Variants in GSE1 observed in about 807,000 individuals in gnomAD.
GSE1 encodes Gse1 coiled-coil protein.
In GSE1, 32 loss-of-function variants were observed where a neutral mutation model predicts 112.6. The ratio of observed to expected loss-of-function variants is 0.28; its 90% CI spans 0.21 to 0.38. The LOEUF (loss-of-function observed/expected upper bound fraction) is 0.38, where lower values mean the gene tolerates loss of function less well. GSE1 is among the 10% of genes least tolerant of loss of function. The probability of loss-of-function intolerance (pLI) is 1.00; values close to 1 mark genes in which losing one functional copy is unlikely to be tolerated. For missense variants in GSE1, 2,348 were observed against 1,699.2 expected (o/e 1.38, Z -6.71); for synonymous variants, 1,115 against 735.6 (o/e 1.52, Z -8.35).
intron 1 of GSE1, among the ~76,000 whole-genome samples, chr16:85,235,944 G>T (rs1226424195): frequency 3.3e-5 from 5 of 151,998 alleles, no homozygotes; most frequent in African/African-American, 1.2e-4. Flanking sequence ...GGGGAGCGAG[G>T]CTGCAGCAGC....
chr16:85,650,576 C>T (rs1012088624), intron 3 of GSE1, among the ~76,000 whole-genome samples: 4 of 152,206 alleles, frequency 2.6e-5, no homozygotes, highest in African/African-American at 7.2e-5. Context: ...AGGGTCCTTA[C>T]CGCCTCGGGA....
At chr16:85,321,719 C>T (rs990857186) in intron 1 of GSE1, among the ~76,000 whole-genome samples, 1 of 150,740 alleles carries the variant, frequency 6.6e-6, no homozygotes, top group Non-Finnish European at 1.5e-5. Flanking sequence ...GTGGCTGAGG[C>T]AGGGGGATCG....
At chr16:85,531,668 G>T (rs2044142680) in intron 2 of GSE1, among the ~76,000 whole-genome samples, 1 of 152,218 alleles carries the variant, frequency 6.6e-6, no homozygotes, top group South Asian at 2.1e-4. Context: ...GATGTCTTTT[G>T]TGTGAAGTTG....
intron 2 of GSE1, among the ~76,000 whole-genome samples, chr16:85,368,676 G>T (rs1238521826): frequency 6.6e-6 from 1 of 152,208 alleles, no homozygotes; most frequent in East Asian, 1.9e-4. Flanking sequence ...CTGTACTCCA[G>T]CCTGAGTGAC....
intron 2 of GSE1, among the ~76,000 whole-genome samples, chr16:85,479,061 G>A (rs1223699864): frequency 3.1e-5 from 4 of 128,894 alleles, no homozygotes; most frequent in East Asian, 2.5e-4. Context: ...TCGCTCTGTC[G>A]CCCAGGCTGG....
chr16:85,619,354 A>G (rs765696075), intron 1 of GSE1, among the ~76,000 whole-genome samples: 1 of 151,782 alleles, frequency 6.6e-6, no homozygotes, highest in East Asian at 1.9e-4. Flanking sequence ...GATGTTGGAC[A>G]GGTTAAGCCG....
intron 1 of GSE1, among the ~76,000 whole-genome samples, chr16:85,597,199 G>C (rs901698903): frequency 6.6e-6 from 1 of 151,078 alleles, no homozygotes; most frequent in African/African-American, 2.4e-5. Context: ...GGCTGGTCTC[G>C]AACTCCTGAC....
chr16:85,478,839 TTTTCTTTCTTTCTTTCTTTCTTTC>T (rs59687856), intron 2 of GSE1, among the ~76,000 whole-genome samples: 2,270 of 102,728 alleles, frequency 0.022, 138 homozygotes, highest in East Asian at 0.054. Flanking sequence ...CGCTCATTTA[TTTTCTTTCTTTCTTTCTTTCTTTC>T]TTTCTTTCTT....
At chr16:85,375,005 G>C (rs112726467) in intron 2 of GSE1, among the ~76,000 whole-genome samples, 151 of 152,310 alleles carry the variant, frequency 9.9e-4, no homozygotes, top group African/African-American at 3.4e-3. Flanking sequence ...CAGCGTTCTG[G>C]GTTTTGATCC....
chr16:85,384,442 C>G (rs904640135), intron 2 of GSE1, among the ~76,000 whole-genome samples: 22 of 152,230 alleles, frequency 1.4e-4, no homozygotes, highest in African/African-American at 5.3e-4. Context: ...ATTTCCACAT[C>G]TATACATGGG....
intron 2 of GSE1, among the ~76,000 whole-genome samples, chr16:85,362,831 C>CTTTTT (rs67922655): frequency 1.1e-4 from 11 of 103,478 alleles, no homozygotes; most frequent in African/African-American, 1.5e-4. Context: ...TTATTGATAT[C>CTTTTT]TTTTTTTTTT....
intron 1 of GSE1, among the ~76,000 whole-genome samples, chr16:85,232,381 C>A (rs1257834832): frequency 1.3e-5 from 2 of 152,162 alleles, no homozygotes; most frequent in Non-Finnish European, 1.5e-5. Context: ...GGATGGGAAC[C>A]CAGGCTACCC....
intron 14 of GSE1, among the ~76,000 whole-genome samples, chr16:85,670,190 T>A (rs1349608173): frequency 1.3e-5 from 2 of 152,222 alleles, no homozygotes; most frequent in African/African-American, 4.8e-5. Flanking sequence ...TGATTATTCC[T>A]TAGATCAGAG....
At chr16:85,339,622 A>AG (rs1017998592) in intron 1 of GSE1, among the ~76,000 whole-genome samples, 15 of 12,562 alleles carry the variant, frequency 1.2e-3, no homozygotes, top group Admixed American at 0.011. Flanking sequence ...GCGGAGGGGG[A>AG]GGGGGGCAGA....
intron 1 of GSE1, among the ~76,000 whole-genome samples, chr16:85,220,948 C>T (rs2075380728): frequency 1.3e-5 from 2 of 149,996 alleles, no homozygotes; most frequent in South Asian, 4.3e-4. Flanking sequence ...TGCCCACCCC[C>T]TCCTCCAGTG....
chr16:85,471,929 A>G (rs771085442), intron 2 of GSE1, among the ~76,000 whole-genome samples: 6 of 152,134 alleles, frequency 3.9e-5, no homozygotes, highest in Non-Finnish European at 1.5e-5. Context: ...GTGGCCCCTC[A>G]TGGGGGAAAT....
intron 1 of GSE1, chr16:85,592,676 C>T (rs1007775983): frequency 1.3e-5 from 2 of 152,264 alleles, no homozygotes; most frequent in African/African-American, 2.4e-5. Flanking sequence ...TTAACTTCCA[C>T]CCAGAGCTTG....
chr16:85,641,634 A>C (rs951802527), intron 2 of GSE1, among the ~76,000 whole-genome samples: 1 of 152,204 alleles, frequency 6.6e-6, no homozygotes, highest in Non-Finnish European at 1.5e-5. Context: ...GTGACTCCAG[A>C]AGGTTTCCCA....
At chr16:85,461,697 G>T (rs1256219322) in intron 2 of GSE1, among the ~76,000 whole-genome samples, 1 of 152,190 alleles carries the variant, frequency 6.6e-6, no homozygotes, top group Non-Finnish European at 1.5e-5. Context: ...GCTGCAGTCG[G>T]TGGGCTGGGA....
Sources: allele counts gnomAD v4.1 joint callset (sites outside exome capture counted in the v4.1 genomes callset), GRCh38; gene constraint gnomAD v4.1.1; transcripts MANE v1.5; gene names NCBI Gene and HGNC (gene_info 2026-07-23, HGNC 2026-07-21).